ALCAM: variants seen among roughly 807,000 people sequenced by gnomAD.
ALCAM encodes CD166 antigen.
Under a neutral mutation model 70.9 loss-of-function variants are expected in ALCAM, and 30 were observed. The ratio of observed to expected loss-of-function variants is 0.42; its 90% CI spans 0.32 to 0.57. The LOEUF (loss-of-function observed/expected upper bound fraction) is 0.57. Among genes scored for constraint, ALCAM ranks in the 20% least tolerant of loss-of-function variants. The pLI is 0.11. For synonymous variants in ALCAM, 249 were observed against 242.5 expected, an observed-to-expected ratio of 1.03 and a Z score of -0.25; for missense variants, 591 against 695.1, an observed-to-expected ratio of 0.85 and a Z score of 1.68.
At chr3:105,482,315 T>G (rs1390450714) in intron 1 of ALCAM, among the ~76,000 whole-genome samples, 3 of 152,116 alleles carry the variant, frequency 2.0e-5, no homozygotes, top group Non-Finnish European at 4.4e-5. Flanking sequence ...TTTCACCATG[T>G]TGCCCAGGCT....
chr3:105,556,109 G>A (rs966746468), intron 14 of ALCAM, among the ~76,000 whole-genome samples: 1 of 151,846 alleles, frequency 6.6e-6, no homozygotes, highest in Non-Finnish European at 1.5e-5. Context: ...TCCAAACATG[G>A]TTTTTAGTTC....
At chr3:105,497,814 G>C (rs1041132603) in intron 1 of ALCAM, among the ~76,000 whole-genome samples, 1 of 152,002 alleles carries the variant, frequency 6.6e-6, no homozygotes, top group African/African-American at 2.4e-5. Flanking sequence ...GGCGGATCAC[G>C]AGGTCGGGAG....
chr3:105,438,841 T>C (rs1937109615), intron 1 of ALCAM, among the ~76,000 whole-genome samples: 1 of 152,024 alleles, frequency 6.6e-6, no homozygotes, highest in African/African-American at 2.4e-5. Context: ...CACTGCACTC[T>C]ACCCTGGGCC....
intron 1 of ALCAM, among the ~76,000 whole-genome samples, chr3:105,474,030 G>C (rs1387899560): frequency 1.3e-5 from 2 of 151,382 alleles, no homozygotes; most frequent in Non-Finnish European, 3.0e-5. Context: ...ATGTACCTGT[G>C]GTTCCATCAG....
At chr3:105,524,735 G>A (rs111859662) in intron 3 of ALCAM, 1 of 1,281,252 alleles carries the variant, frequency 7.8e-7, no homozygotes, top group African/African-American at 1.5e-5. Flanking sequence ...AATATTCTCT[G>A]TTACTTTGTC....
intron 1 of ALCAM, among the ~76,000 whole-genome samples, chr3:105,409,586 A>G (rs1022352355): frequency 6.6e-6 from 1 of 152,068 alleles, no homozygotes; most frequent in African/African-American, 2.4e-5. Flanking sequence ...GGGATAAAGG[A>G]TGACACATTA....
intron 1 of ALCAM, among the ~76,000 whole-genome samples, chr3:105,368,227 G>C (rs1032580586): frequency 9.8e-6 from 1 of 102,422 alleles, no homozygotes; most frequent in South Asian, 3.2e-4. Context: ...TCTTGGAAGA[G>C]AGAGAGAGAG....
chr3:105,498,611 A>C (rs1194219449), intron 1 of ALCAM, among the ~76,000 whole-genome samples: 1 of 152,140 alleles, frequency 6.6e-6, no homozygotes, highest in African/African-American at 2.4e-5. Flanking sequence ...CCATTTGTAA[A>C]GATTCCAGGA....
intron 7 of ALCAM, among the ~76,000 whole-genome samples, chr3:105,540,457 A>G (rs1438302132): frequency 6.6e-6 from 1 of 152,076 alleles, no homozygotes; most frequent in Non-Finnish European, 1.5e-5. Flanking sequence ...ATCTGCCCAC[A>G]ACATTGCCCC....
intron 1 of ALCAM, among the ~76,000 whole-genome samples, chr3:105,387,873 C>T (rs893990857): frequency 4.6e-5 from 7 of 151,496 alleles, no homozygotes; most frequent in African/African-American, 1.7e-4. Context: ...GGCTCCCTTC[C>T]GTGTGGTTGT....
Position 105,533,837 on chromosome 3 carries a change from G to T in ALCAM, c.547+147G>T, listed in dbSNP as rs1939904984. On this transcript the variant is annotated intron_variant, in intron 5 of 15. Transcript: ENST00000306107. Reference sequence around the variant, plus strand: ...GAAGACAATTTTTCTTTGGATCAGGGTGGGGGGATGGTTTCAGGGTGATTC... The same window carrying T: ...GAAGACAATTTTTCTTTGGATCAGGTTGGGGGGATGGTTTCAGGGTGATTC... 4.9e-6 allele frequency: 3 copies of T among 609,794 alleles called. No homozygotes were observed. The South Asian group carries it at 6.4e-5, about 13-fold the overall frequency. The allele number at this position is 609,794 out of a possible 1,614,324, so 37.8% of individuals were successfully genotyped here.
rs952302163 is a variant in ALCAM, at chr3:105,367,197, G to A, written c.-212G>A. 26 of 568,828 alleles carry A rather than the reference G, an allele frequency of 4.6e-5. No homozygotes were observed. Among genetic ancestry groups the A allele is most frequent in the Non-Finnish European group, 3.2e-5 (10 of 316,104 alleles). 35.2% of individuals were successfully genotyped at this position (568,828 alleles called of 1,614,324 possible). On this transcript the variant is annotated 5_prime_UTR_variant, in exon 1 of 16. Coordinates refer to ENST00000306107, the MANE Select transcript of ALCAM (RefSeq NM_001627.4). ...GGGCCCGTGGGCTGGTGTTGACCGG[G>A]AGGGAGGAGGAGTTGGGGGCATTGC...
At chr3:105,432,439 T>C (rs949445737) in intron 1 of ALCAM, among the ~76,000 whole-genome samples, 3 of 152,144 alleles carry the variant, frequency 2.0e-5, no homozygotes, top group African/African-American at 7.2e-5. Context: ...AAACTGCTTA[T>C]GTTTGAGGTA....
intron 15 of ALCAM, among the ~76,000 whole-genome samples, chr3:105,573,271 G>A (rs540333021): frequency 6.6e-6 from 1 of 152,164 alleles, no homozygotes; most frequent in Non-Finnish European, 1.5e-5. Flanking sequence ...GGGTTGCAGT[G>A]AGCCAAGATG....
chr3:105,521,135 A>C (rs955955549), intron 2 of ALCAM, among the ~76,000 whole-genome samples: 1 of 150,644 alleles, frequency 6.6e-6, no homozygotes, highest in Non-Finnish European at 1.5e-5. Context: ...CCCCGTCTCT[A>C]CTAAAAATAC....
At chr3:105,436,848 A>G (rs1219944140) in intron 1 of ALCAM, among the ~76,000 whole-genome samples, 2 of 152,158 alleles carry the variant, frequency 1.3e-5, no homozygotes, top group Non-Finnish European at 2.9e-5. Flanking sequence ...GTGATGATGC[A>G]ATGACAGTCA....
chr3:105,482,587 G>T (rs1347456262), intron 1 of ALCAM, among the ~76,000 whole-genome samples: 3 of 152,010 alleles, frequency 2.0e-5, no homozygotes, highest in African/African-American at 7.2e-5. Context: ...TGTTCATTTT[G>T]AATGATACCA....
chr3:105,502,638 T>G (rs1312502734), intron 1 of ALCAM, among the ~76,000 whole-genome samples: 1 of 152,264 alleles, frequency 6.6e-6, no homozygotes, highest in Non-Finnish European at 1.5e-5. Context: ...CAGAGACTGC[T>G]ATCTCTCAGT....
At chr3:105,510,676 A>G (rs2152619660) in intron 1 of ALCAM, among the ~76,000 whole-genome samples, 1 of 152,212 alleles carries the variant, frequency 6.6e-6, no homozygotes, top group East Asian at 1.9e-4. Context: ...GTCAGGGTTT[A>G]GTAACACTGT....
Sources: gnomAD v4.1 joint callset for allele counts (sites outside exome capture counted in the v4.1 genomes callset) on GRCh38, gnomAD v4.1.1 for gene constraint, MANE v1.5 for transcripts, NCBI Gene and HGNC (gene_info 2026-07-23, HGNC 2026-07-21) for gene names.